The following SEPTIN14 variants were observed in gnomAD, a reference collection of about 807,000 sequenced individuals.
SEPTIN14 encodes the protein septin 14.
A neutral mutation model predicts 53.6 loss-of-function variants in SEPTIN14; 40 were observed. That is an observed-to-expected ratio of 0.75 (90% CI 0.58 to 0.97). SEPTIN14 has a LOEUF of 0.97. Ranked by LOEUF, SEPTIN14 falls within the 50% of genes least tolerant of loss-of-function variation. The probability of loss-of-function intolerance (pLI) is 0.00; values close to 1 mark genes in which losing one functional copy is unlikely to be tolerated. For synonymous variants in SEPTIN14, 138 were observed against 166.8 expected, an observed-to-expected ratio of 0.83 and a Z score of 1.33; for missense variants, 471 against 508.2, an observed-to-expected ratio of 0.93 and a Z score of 0.70.
rs768441059 is a variant in SEPTIN14, at chr7:55,807,175, G to A, written c.901C>T (p.His301Tyr). The change falls in exon 8 of 10, where the codon CAC becomes TAC. Residue 301 changes from histidine to tyrosine, a missense_variant. By Grantham distance (83) the His-to-Tyr change is moderately conservative. Transcript: ENST00000388975. ...TNMENLKEKT[H>Y]TQHYECYRYQ... ...CTATAACATTCATAGTGCTGAGTGTGGGTTTTTTCTTTTAGATTTTCCATA... is the reference window on the plus strand; with the variant it reads ...CTATAACATTCATAGTGCTGAGTGTAGGTTTTTTCTTTTAGATTTTCCATA... 1.9e-5 allele frequency: 30 copies of A among 1,609,434 alleles called. No homozygotes were observed. The highest frequency in any genetic ancestry group is 2.5e-5 in the Non-Finnish European group (30 of 1,178,032).
At chr7:55,852,659 A>T (rs1789539911) in intron 2 of SEPTIN14, among the ~76,000 whole-genome samples, 1 of 152,194 alleles carries the variant, frequency 6.6e-6, no homozygotes, top group African/African-American at 2.4e-5. Flanking sequence ...CCCCACAAGC[A>T]CAGGAAACCA....
intron 5 of SEPTIN14, 69 bp from the exon 6 acceptor site, chr7:55,834,655 T>C: frequency 7.4e-7 from 1 of 1,352,658 alleles, no homozygotes; most frequent in Non-Finnish European, 1.0e-6. Context: ...TTTTGTTTTT[T>C]GTTTTGAGAC....
intron 5 of SEPTIN14, among the ~76,000 whole-genome samples, chr7:55,839,512 C>T (rs1469989965): frequency 6.6e-6 from 1 of 151,844 alleles, no homozygotes; most frequent in East Asian, 1.9e-4. Context: ...CTTCGGTCTG[C>T]ATCTAAGAAA....
intron 9 of SEPTIN14, among the ~76,000 whole-genome samples, chr7:55,802,159 C>G (rs1413938110): frequency 1.7e-4 from 26 of 152,076 alleles, no homozygotes; most frequent in Non-Finnish European, 4.4e-5. Context: ...CGCACACCAC[C>G]ACGCCCGGCT....
intron 6 of SEPTIN14, among the ~76,000 whole-genome samples, chr7:55,820,775 A>C (rs973473142): frequency 1.3e-5 from 2 of 152,038 alleles, no homozygotes; most frequent in African/African-American, 4.8e-5. Flanking sequence ...CCCCGTCTCT[A>C]CTAAAAATAC....
intron 7 of SEPTIN14, among the ~76,000 whole-genome samples, chr7:55,813,308 A>G (rs1163042082): frequency 6.6e-6 from 1 of 152,174 alleles, no homozygotes; most frequent in Admixed American, 6.5e-5. Flanking sequence ...AGAGATAGAT[A>G]GGAACTTAAG....
At chr7:55,801,428 A>C (rs1051281832) in intron 9 of SEPTIN14, among the ~76,000 whole-genome samples, 1 of 152,182 alleles carries the variant, frequency 6.6e-6, no homozygotes, top group Non-Finnish European at 1.5e-5. Flanking sequence ...ACAAAATTTG[A>C]TAACCTAAAA....
intron 6 of SEPTIN14, among the ~76,000 whole-genome samples, chr7:55,823,384 T>A (rs1481456049): frequency 6.6e-6 from 1 of 152,194 alleles, no homozygotes; most frequent in East Asian, 1.9e-4. Flanking sequence ...AGGTCCCCTC[T>A]CCACTGAGAG....
chr7:55,829,906 C>T (rs1481217080), intron 6 of SEPTIN14, among the ~76,000 whole-genome samples: 2 of 150,450 alleles, frequency 1.3e-5, no homozygotes, highest in African/African-American at 4.9e-5. Flanking sequence ...TGGCCAGGCG[C>T]GGTGGCTCAC....
At chr7:55,814,360 G>C (rs1788757699) in intron 7 of SEPTIN14, among the ~76,000 whole-genome samples, 1 of 152,048 alleles carries the variant, frequency 6.6e-6, no homozygotes, top group Non-Finnish European at 1.5e-5. Context: ...AACCAAATGA[G>C]GCACTAATGA....
rs11981658 is a variant in SEPTIN14, at chr7:55,816,218, G to A, written c.817+2909C>T. Among the ~76,000 whole-genome samples the A allele has an allele frequency of 8.7e-3, 1,330 of 152,212 alleles. 23 individuals are homozygous for A. Among genetic ancestry groups the A allele is most frequent in the African/African-American group, 0.03 (1,250 of 41,550 alleles). On this transcript the variant is annotated intron_variant, in intron 7 of 9. Coordinates refer to ENST00000388975, the MANE Select transcript of SEPTIN14 (RefSeq NM_207366.3). The stretch of plus-strand genomic sequence containing the variant: ...AAGCTAGGAAAGGATTGGGGAGGGA[G>A]AGAAGTGGGGATAGTTGATGGGTAC...
At chr7:55,861,556 C>A (rs983161863) in intron 2 of SEPTIN14, among the ~76,000 whole-genome samples, 1 of 151,788 alleles carries the variant, frequency 6.6e-6, no homozygotes, top group Non-Finnish European at 1.5e-5. Context: ...AATCAGCAAG[C>A]AGCCATCCAA....
Position 55,844,540 on chromosome 7 carries a change from T to C in SEPTIN14, c.354A>G (p.Gln118=), listed in dbSNP as rs762963890. The stretch of plus-strand genomic sequence containing the variant: ...ACACTCACCTGGCTTCTTTGTCTAT[T>C]TGATCACCATACCCTACTGTCTCCA... ...TVVETVGYGD[Q]IDKEASYQPI... is the part of the protein sequence containing the mutation. The change falls in exon 4 of 10, where the codon CAA becomes CAG. Residue 118 remains glutamine (Q), a synonymous_variant. Coordinates refer to ENST00000388975, the MANE Select transcript of SEPTIN14 (RefSeq NM_207366.3). 2 of 1,500,948 alleles carry C rather than the reference T, an allele frequency of 1.3e-6. No homozygotes were observed. Among genetic ancestry groups the C allele is most frequent in the South Asian group, 2.9e-5 (2 of 69,528 alleles). 93.0% of individuals were successfully genotyped at this position (1,500,948 alleles called of 1,614,324 possible).
intron 5 of SEPTIN14, among the ~76,000 whole-genome samples, chr7:55,836,781 T>C (rs1367574185): frequency 6.6e-6 from 1 of 152,040 alleles, no homozygotes; most frequent in Non-Finnish European, 1.5e-5. Context: ...TTCCTGACTA[T>C]TGAAGGTACT....
intron 5 of SEPTIN14, among the ~76,000 whole-genome samples, chr7:55,838,814 G>T (rs1489668252): frequency 6.6e-6 from 1 of 152,016 alleles, no homozygotes; most frequent in Admixed American, 6.6e-5. Flanking sequence ...CTCCCAAAGT[G>T]CTGAGATTAC....
intron 7 of SEPTIN14, among the ~76,000 whole-genome samples, chr7:55,813,703 A>G (rs1788745122): frequency 6.6e-6 from 1 of 152,214 alleles, no homozygotes. Context: ...CAACTTGAGT[A>G]GCAGCTCAGC....
intron 9 of SEPTIN14, among the ~76,000 whole-genome samples, chr7:55,800,031 G>A (rs895647225): frequency 6.6e-6 from 1 of 152,072 alleles, no homozygotes; most frequent in African/African-American, 2.4e-5. Flanking sequence ...ATCATATTAT[G>A]TATCTTTTTA....
At chr7:55,851,545 T>C (rs909972588) in intron 2 of SEPTIN14, among the ~76,000 whole-genome samples, 1 of 152,002 alleles carries the variant, frequency 6.6e-6, no homozygotes, top group Non-Finnish European at 1.5e-5. Context: ...CAATAAATGA[T>C]AAACTATAAA....
intron 3 of SEPTIN14, among the ~76,000 whole-genome samples, chr7:55,845,528 A>G (rs1374094643): frequency 1.3e-5 from 2 of 152,174 alleles, no homozygotes; most frequent in African/African-American, 4.8e-5. Context: ...ATTTCAAAAT[A>G]ATCAAGAGAG....
Sources: allele counts gnomAD v4.1 joint callset (sites outside exome capture counted in the v4.1 genomes callset), GRCh38; gene constraint gnomAD v4.1.1; transcripts MANE v1.5; gene names NCBI Gene and HGNC (gene_info 2026-07-23, HGNC 2026-07-21).